Variants in KRT222 observed in about 807,000 individuals in gnomAD.
KRT222 encodes keratin 222, also known as keratin-like protein KRT222.
In KRT222, 23 loss-of-function variants were observed where a neutral mutation model predicts 35.0. The observed-to-expected ratio is 0.66, with a 90% CI of 0.47 to 0.93. The LOEUF is 0.93. Among genes scored for constraint, KRT222 ranks in the 40% least tolerant of loss-of-function variants. The pLI, the probability that KRT222 is intolerant of heterozygous loss-of-function variation, is 0.00. For missense variants in KRT222, 339 were observed against 346.3 expected (o/e 0.98, Z 0.17); for synonymous variants, 108 against 118.8 (o/e 0.91, Z 0.59).
rs1220159655 is a variant in KRT222 at position 40,660,033 on chromosome 17, GT to G, written c.399del (p.Glu133AspfsTer4). On this transcript the variant is annotated frameshift_variant, in exon 3 of 6. Coordinates refer to ENST00000394052, the MANE Select transcript of KRT222 (RefSeq NM_152349.3). LOFTEE classifies it high-confidence loss of function. ...EMLLNTKMRL[E>X]QEIATYRHLL... ...AGGTGGCGATAAGTTGCTATTTCTT[GT>G]TCCAGCCTCATCTTCGTGTTGAGAA... 6.2e-7 allele frequency: 1 copy of G among 1,613,980 alleles called. No individual in the cohort carries two copies. Among genetic ancestry groups the G allele is most frequent in the Non-Finnish European group, 8.5e-7 (1 of 1,180,024 alleles).
In KRT222 at chr17:40,657,828, T is replaced by C; in HGVS notation, c.447-78A>G. On this transcript the variant is annotated intron_variant, in intron 3 of 5. Transcript: ENST00000394052. ...TAAAACAAACAGGAGAATGGATAAATCGTATATTCACGCAATAGAAACACT... is the reference window on the plus strand; with the variant it reads ...TAAAACAAACAGGAGAATGGATAAACCGTATATTCACGCAATAGAAACACT... 3.1e-6 allele frequency: 3 copies of C among 970,300 alleles called. No homozygotes were observed. The South Asian group carries it at 4.3e-5, about 14-fold the overall frequency. The allele number at this position is 970,300 out of a possible 1,614,324, so 60.1% of individuals were successfully genotyped here.
intron 1 of KRT222, among the ~76,000 whole-genome samples, chr17:40,662,857 G>A (rs2037392375): frequency 6.6e-6 from 1 of 151,964 alleles, no homozygotes; most frequent in Admixed American, 6.5e-5. Flanking sequence ...GTATAGAATT[G>A]ATTGTAGCAT....
intron 3 of KRT222, among the ~76,000 whole-genome samples, chr17:40,658,177 G>A (rs1445892512): frequency 6.6e-6 from 1 of 151,502 alleles, no homozygotes; most frequent in Non-Finnish European, 1.5e-5. Flanking sequence ...TCTTAAACTG[G>A]GGGAAGTGGG....
At chr17:40,659,435 G>T (rs1342716102) in intron 3 of KRT222, among the ~76,000 whole-genome samples, 1 of 151,872 alleles carries the variant, frequency 6.6e-6, no homozygotes, top group Non-Finnish European at 1.5e-5. Flanking sequence ...TCAGCCTCCC[G>T]AAGTGCTGAG....
intron 1 of KRT222, 174 bp from the exon 2 acceptor site, chr17:40,662,218 C>T: frequency 1.6e-6 from 1 of 643,260 alleles, no homozygotes. Flanking sequence ...ATATGTAAGT[C>T]CATTGCGTTC....
At chr17:40,659,146 T>C (rs8065605) in intron 3 of KRT222, among the ~76,000 whole-genome samples, 282 of 36,456 alleles carry the variant, frequency 7.7e-3, no homozygotes, top group Non-Finnish European at 0.012. Flanking sequence ...AAGGTCTCTC[T>C]CTCTCTCTCT....
chr17:40,663,757 T>C (rs537476697), intron 1 of KRT222, among the ~76,000 whole-genome samples: 6 of 152,372 alleles, frequency 3.9e-5, no homozygotes, highest in African/African-American at 1.4e-4. Flanking sequence ...TAAAAGACAC[T>C]TTAAACAAAA....
In KRT222 at chr17:40,657,388, A is replaced by G. The variant is rs760238081; in HGVS notation, c.623T>C (p.Ile208Thr). The change falls in exon 5 of 6, where the codon ATC becomes ACC. Residue 208 changes from isoleucine to threonine, a missense_variant. By Grantham distance (89) the Ile-to-Thr change is moderately conservative (BLOSUM62 -1). Transcript: ENST00000394052. ...VTKQAILNGS[I>T]VKESTEAHGT... ...ATGAGCTTCAGTGCTCTCCTTAACG[A>G]TACTCCCATTTAAGATTGCCTGTTT... is the stretch of plus-strand genomic sequence containing the variant. 6 of 1,610,582 alleles carry G rather than the reference A, an allele frequency of 3.7e-6. No individual in the cohort carries two copies. The highest frequency in any genetic ancestry group is 5.1e-6 in the Non-Finnish European group (6 of 1,178,652).
At chr17:40,659,334 T>C (rs994820477) in intron 3 of KRT222, among the ~76,000 whole-genome samples, 1 of 151,620 alleles carries the variant, frequency 6.6e-6, no homozygotes. Context: ...TTTTGTATTA[T>C]TATTATTGTT....
Position 40,660,012 on chromosome 17 carries a change from G to C in KRT222, c.421C>G (p.His141Asp), listed in dbSNP as rs1214207804. 4 of 1,614,026 alleles carry C rather than the reference G, an allele frequency of 2.5e-6. No homozygotes were observed. The highest frequency in any genetic ancestry group is 3.4e-6 in the Non-Finnish European group (4 of 1,179,954). The change falls in exon 3 of 6, where the codon CAC (histidine) becomes GAC (aspartate). Residue 141 changes from histidine (H) to aspartate (D), a missense_variant. By Grantham distance (81) the His-to-Asp change is moderately conservative. Coordinates refer to ENST00000394052, the MANE Select transcript of KRT222 (RefSeq NM_152349.3). The stretch of plus-strand genomic sequence containing the variant: ...CTGATTTCTTCTTTTTCTAGGAGGT[G>C]GCGATAAGTTGCTATTTCTTGTTCC... ...RLEQEIATYR[H>D]LLEKEEIRYY...
intron 2 of KRT222, among the ~76,000 whole-genome samples, chr17:40,660,678 AATT>A (rs1433982928): frequency 6.6e-6 from 1 of 152,024 alleles, no homozygotes; most frequent in Non-Finnish European, 1.5e-5. Context: ...TGTGACCCCT[AATT>A]ATTAAAAAAT....
At chr17:40,664,635 T>G (rs2037408826) in intron 1 of KRT222, among the ~76,000 whole-genome samples, 1 of 152,216 alleles carries the variant, frequency 6.6e-6, no homozygotes, top group Non-Finnish European at 1.5e-5. Flanking sequence ...AAGATGTTAT[T>G]TAAATTATCT....
chr17:40,665,160 AGTCTG>A lies in KRT222; in HGVS notation c.-66_-62del. 6.6e-7 allele frequency: 1 copy of A among 1,516,060 alleles called. No homozygotes were observed. Among genetic ancestry groups the A allele is most frequent in the Admixed American group, 1.7e-5 (1 of 59,864 alleles). The allele number at this position is 1,516,060 out of a possible 1,614,324, so 93.9% of individuals were successfully genotyped here. On this transcript the variant is annotated 5_prime_UTR_variant, in exon 1 of 6. Transcript: ENST00000394052. Reference sequence around the variant, plus strand: ...TATCGATAGGATGAGTCGCTGCGGCAGTCTGCTCGGTCTGCGCGGAAGGCAGGGAG... The same window carrying A: ...TATCGATAGGATGAGTCGCTGCGGCACTCGGTCTGCGCGGAAGGCAGGGAG...
chr17:40,665,172 C>G lies in KRT222; in HGVS notation c.-73G>C. On this transcript the variant is annotated 5_prime_UTR_variant, in exon 1 of 6. Coordinates refer to ENST00000394052, the MANE Select transcript of KRT222 (RefSeq NM_152349.3). ...GAGTCGCTGCGGCAGTCTGCTCGGTCTGCGCGGAAGGCAGGGAGCCTCGCA... is the reference window on the plus strand; with the variant it reads ...GAGTCGCTGCGGCAGTCTGCTCGGTGTGCGCGGAAGGCAGGGAGCCTCGCA... 7.0e-7 allele frequency: 1 copy of G among 1,428,700 alleles called. No homozygotes were observed. Among genetic ancestry groups the G allele is most frequent in the Non-Finnish European group, 9.8e-7 (1 of 1,016,574 alleles). 88.5% of individuals were successfully genotyped at this position (1,428,700 alleles called of 1,614,324 possible).
intron 2 of KRT222, 24 bp downstream of exon 2, chr17:40,661,892 G>T (rs1356313645): frequency 6.2e-7 from 1 of 1,609,038 alleles, no homozygotes. Flanking sequence ...TCGATGGGTC[G>T]GTTACTTTTG....
At chr17:40,664,092 A>T (rs35842939) in intron 1 of KRT222, among the ~76,000 whole-genome samples, 12,577 of 151,562 alleles carry the variant, frequency 0.083, 588 homozygotes, top group South Asian at 0.19. Context: ...TTTTTTTTTT[A>T]AAATTTTGGG....
At position 40,660,094 on chromosome 17, in the gene KRT222, G is replaced by A. The variant is rs145307964; in HGVS notation, c.339C>T (p.Arg113=). ...GLEKELQEVR[R]GIEKQLQEHE... is the part of the protein sequence containing the mutation. ...GCTCTTGAAGCTGCTTTTCGATGCC[G>A]CGCCTTACTTCCTGTAGCTCTTTTT... is the stretch of plus-strand genomic sequence containing the variant. Residue 113 remains arginine, a synonymous_variant, in exon 3 of 6, where the codon CGC becomes CGT. Coordinates refer to ENST00000394052, the MANE Select transcript of KRT222 (RefSeq NM_152349.3). 22 of 1,614,050 alleles carry A rather than the reference G, an allele frequency of 1.4e-5. No homozygotes were observed. In the African/African-American group the frequency reaches 1.5e-4, roughly 11 times the overall value.
At chr17:40,661,815 C>T (rs2037385436) in intron 2 of KRT222, 101 bp downstream of exon 2, 4 of 1,415,592 alleles carry the variant, frequency 2.8e-6, no homozygotes, top group Non-Finnish European at 3.8e-6. Flanking sequence ...CCTTGATTTC[C>T]AGTTTCTCAT....
chr17:40,656,279 A>T lies in KRT222; in HGVS notation c.*123T>A. 1.5e-6 allele frequency: 1 copy of T among 655,816 alleles called. No individual in the cohort carries two copies. Among genetic ancestry groups the T allele is most frequent in the East Asian group, 2.6e-5 (1 of 38,498 alleles). 40.6% of individuals were successfully genotyped at this position (655,816 alleles called of 1,614,324 possible). A position where few individuals can be genotyped will look rare whatever the true frequency, so the allele number is the denominator to read the frequency against. On this transcript the variant is annotated 3_prime_UTR_variant, in exon 6 of 6. Coordinates refer to ENST00000394052, the MANE Select transcript of KRT222 (RefSeq NM_152349.3). ...TTGTTTTTTTCTTCTGAAGAGAACC[A>T]CATATTGATCATAACATTTTCCATA...
Sources: allele counts gnomAD v4.1 joint callset (sites outside exome capture counted in the v4.1 genomes callset), GRCh38; gene constraint gnomAD v4.1.1; transcripts MANE v1.5; gene names NCBI Gene and HGNC (gene_info 2026-07-23, HGNC 2026-07-21).